Variants in HERC5 observed in about 807,000 individuals in gnomAD.
HERC5 encodes the protein HECT and RLD domain containing E3 ubiquitin protein ligase 5, also known as E3 ISG15--protein ligase HERC5.
A neutral mutation model predicts 119.6 loss-of-function variants in HERC5; 99 were observed. The observed-to-expected ratio is 0.83, with a 90% CI of 0.70 to 0.98. The LOEUF is 0.98. Among genes scored for constraint, HERC5 ranks in the 50% least tolerant of loss-of-function variants. The pLI is 0.00. For synonymous variants in HERC5, 478 were observed against 445.9 expected, an observed-to-expected ratio of 1.07 and a Z score of -0.91; for missense variants, 1,267 against 1,241.3, an observed-to-expected ratio of 1.02 and a Z score of -0.31.
In HERC5 at chr4:88,484,372, A is replaced by G. The variant is rs563561319; in HGVS notation, c.1738-1743A>G. 6.6e-5 allele frequency among the ~76,000 whole-genome samples: 10 copies of G among 152,214 alleles called. No homozygotes were observed. In the East Asian group the frequency reaches 1.9e-3, roughly 29 times the overall value. On this transcript the variant is annotated intron_variant, in intron 13 of 22. Coordinates refer to ENST00000264350, the MANE Select transcript of HERC5 (RefSeq NM_016323.4). ...GTGAGAGCTGTCTGTTTTCCTTGGA[A>G]CTTTATCTTTTGGAATTACTTGAGG...
intron 18 of HERC5, 40 bp from the exon 19 acceptor site, chr4:88,499,886 G>A (rs747616161): frequency 7.3e-7 from 1 of 1,375,582 alleles, no homozygotes; most frequent in South Asian, 1.2e-5. Flanking sequence ...TAGTGATCAT[G>A]GTTATTACCT....
intron 18 of HERC5, among the ~76,000 whole-genome samples, chr4:88,496,746 A>C (rs73841947): frequency 6.6e-6 from 1 of 152,244 alleles, no homozygotes; most frequent in Non-Finnish European, 1.5e-5. Context: ...GCAGTGTACC[A>C]ACAGTAAAGA....
intron 3 of HERC5, among the ~76,000 whole-genome samples, chr4:88,460,717 G>C (rs1382988624): frequency 2.0e-5 from 3 of 152,214 alleles, no homozygotes; most frequent in Non-Finnish European, 4.4e-5. Flanking sequence ...GGCCAGGCTT[G>C]GTGGCTAATG....
rs1249800005 is a variant in HERC5 at position 88,466,918 on chromosome 4, T to A, written c.912-141T>A. ...TTTCAGGTACATGTTGATTTCTTGG[T>A]TTCCAGATGATTTTCATCCTCTAAG... is the stretch of plus-strand genomic sequence containing the variant. On this transcript the variant is annotated intron_variant, in intron 6 of 22. Transcript: ENST00000264350. 2.4e-6 allele frequency: 2 copies of A among 833,450 alleles called. 1 individual carries two copies. Among genetic ancestry groups the A allele is most frequent in the Middle Eastern group, 6.2e-4 (2 of 3,204 alleles). 51.6% of individuals were successfully genotyped at this position (833,450 alleles called of 1,614,324 possible). A position where few individuals can be genotyped will look rare whatever the true frequency, so the allele number is the denominator to read the frequency against.
chr4:88,468,389 G>A lies in HERC5; in HGVS notation c.1101G>A (p.Gly367=). 6 of 1,611,732 alleles carry A rather than the reference G, an allele frequency of 3.7e-6. No individual in the cohort carries two copies. Among genetic ancestry groups the A allele is most frequent in the Non-Finnish European group, 5.1e-6 (6 of 1,178,612 alleles). ...SEKELIMIAG[G]NQSILLWIKK... is the part of the protein sequence containing the mutation. The stretch of plus-strand genomic sequence containing the variant: ...AGGAGTTAATAATGATTGCTGGAGG[G>A]AATCAAAGCATTTTGCTCTGGATAA... The change falls in exon 8 of 23, where the codon GGG becomes GGA. Residue 367 remains glycine (G), a synonymous_variant. Coordinates refer to ENST00000264350, the MANE Select transcript of HERC5 (RefSeq NM_016323.4).
At position 88,475,947 on chromosome 4, in the gene HERC5, A is replaced by G. The variant is rs768659089; in HGVS notation, c.1499A>G (p.His500Arg). Residue 500 changes from histidine to arginine, a missense_variant, in exon 12 of 23, where the codon CAT becomes CGT. Transcript: ENST00000264350. The part of the protein sequence containing the change: ...FFLLPECPMM[H>R]ISNNWESLVV... Reference sequence around the variant, plus strand: ...CTTCTCCCAGAATGTCCTATGATGCATATTTCCAACAACTGGGAGAGCCTT... The same window carrying G: ...CTTCTCCCAGAATGTCCTATGATGCGTATTTCCAACAACTGGGAGAGCCTT... 2.5e-6 allele frequency: 4 copies of G among 1,614,070 alleles called. No individual in the cohort carries two copies. Among genetic ancestry groups the G allele is most frequent in the Non-Finnish European group, 3.4e-6 (4 of 1,179,990 alleles).
Position 88,489,303 on chromosome 4 carries a change from A to G in HERC5, c.2100A>G (p.Gln700=), listed in dbSNP as rs1741560049. 6.2e-7 allele frequency: 1 copy of G among 1,613,584 alleles called. No individual in the cohort carries two copies. Among genetic ancestry groups the G allele is most frequent in the Admixed American group, 1.7e-5 (1 of 59,922 alleles). Residue 700 remains glutamine (Q), a synonymous_variant, in exon 16 of 23, where the codon CAA becomes CAG. Transcript: ENST00000264350. ...AGGATGTTTTGAATCAGCTAAGTCA[A>G]TTTGAGAATGAAGACCTGAGGAAAG... ...LIEDVLNQLS[Q]FENEDLRKEL...
chr4:88,466,430 C>T (rs181381681), intron 6 of HERC5, among the ~76,000 whole-genome samples: 9 of 152,242 alleles, frequency 5.9e-5, no homozygotes, highest in Admixed American at 2.0e-4. Context: ...AATCATTGCC[C>T]GGATAGTTAA....
intron 13 of HERC5, among the ~76,000 whole-genome samples, chr4:88,480,320 A>G (rs1741237240): frequency 6.6e-6 from 1 of 152,172 alleles, no homozygotes; most frequent in Non-Finnish European, 1.5e-5. Flanking sequence ...CATCCAGATT[A>G]ATGCTTATGG....
At chr4:88,481,852 A>G (rs944499923) in intron 13 of HERC5, among the ~76,000 whole-genome samples, 1 of 152,252 alleles carries the variant, frequency 6.6e-6, no homozygotes, top group African/African-American at 2.4e-5. Flanking sequence ...AGCCAAGGCC[A>G]GAGGAAGAGT....
Position 88,472,485 on chromosome 4 carries a change from G to T in HERC5, c.1375G>T (p.Asp459Tyr), listed in dbSNP as rs377595074. 38 of 1,580,984 alleles carry T rather than the reference G, an allele frequency of 2.4e-5. No individual in the cohort carries two copies. The African/African-American group carries it at 4.6e-4, about 19-fold the overall frequency. ...CATCTTCAAGGAGTTAACCCAAAAG[G>T]ACTGGATTACTAACATGGTATCTTC... ...RNIFKELTQK[D>Y]WITNMITTCL... Residue 459 changes from aspartate to tyrosine, a missense_variant, in exon 11 of 23, where the codon GAC (aspartate) becomes TAC (tyrosine). Asp to Tyr is a radical substitution (Grantham distance 160, BLOSUM62 -3). Around this residue, in one of 3 missense-constraint regions of HERC5, gnomAD observed 777 missense variants for 758.0 expected, o/e 1.03. Coordinates refer to ENST00000264350, the MANE Select transcript of HERC5 (RefSeq NM_016323.4).
At chr4:88,500,862 A>T in intron 19 of HERC5, 53 bp from the exon 20 acceptor site, 3 of 1,277,970 alleles carry the variant, frequency 2.3e-6, no homozygotes, top group Non-Finnish European at 3.4e-6. Flanking sequence ...TATTGATGAT[A>T]GATTGTTCAG....
intron 1 of HERC5, among the ~76,000 whole-genome samples, chr4:88,459,052 G>A (rs1270437758): frequency 2.0e-5 from 3 of 151,794 alleles, no homozygotes; most frequent in Non-Finnish European, 4.4e-5. Context: ...AATTTCGTTC[G>A]TCTTAATAAA....
chr4:88,465,555 A>G (rs1740631831), intron 6 of HERC5, among the ~76,000 whole-genome samples: 1 of 152,220 alleles, frequency 6.6e-6, no homozygotes, highest in African/African-American at 2.4e-5. Context: ...TTCAATATTT[A>G]TACCTCATTC....
At chr4:88,460,711 A>G (rs1740400917) in intron 3 of HERC5, among the ~76,000 whole-genome samples, 1 of 152,214 alleles carries the variant, frequency 6.6e-6, no homozygotes, top group South Asian at 2.1e-4. Context: ...CTATGAGGCC[A>G]GGCTTGGTGG....
At chr4:88,457,775 C>G (rs910447576) in intron 1 of HERC5, 2 of 654,336 alleles carry the variant, frequency 3.1e-6, no homozygotes, top group African/African-American at 3.8e-5. Context: ...GCAAAGTGGC[C>G]GGTGCGGGGC....
Position 88,489,167 on chromosome 4 carries a change from G to C in HERC5, c.1964G>C (p.Ser655Thr), listed in dbSNP as rs1374654136. 6.2e-7 allele frequency: 1 copy of C among 1,600,680 alleles called. No homozygotes were observed. The highest frequency in any genetic ancestry group is 1.3e-5 in the African/African-American group (1 of 74,118). Residue 655 changes from serine to threonine, a missense_variant and splice_region_variant, in exon 16 of 23, where the codon AGT (serine) becomes ACT (threonine). Transcript: ENST00000264350. Reference protein sequence around the residue: ...LHTDTLLKIESKKHKAYLRSA... With the variant: ...LHTDTLLKIETKKHKAYLRSA... ...ATATTTCTGTTTCTGTTTTCCTAGA[G>C]TAAAAAACATAAAGCTTATCTTAGG...
rs1219443063 is a variant in HERC5, at chr4:88,490,818, C to T, written c.2133+1482C>T. Among the ~76,000 whole-genome samples, 5 of 152,234 alleles carry T rather than the reference C, an allele frequency of 3.3e-5. No individual in the cohort carries two copies. In the East Asian group the frequency reaches 9.7e-4, roughly 29 times the overall value. On this transcript the variant is annotated intron_variant, in intron 16 of 22. Transcript: ENST00000264350. ...CAAGATTACCCCACTGCACTCTAGC[C>T]TGGGCGACAGAGCAAGATTCTGTCT...
intron 4 of HERC5, 73 bp downstream of exon 4, chr4:88,462,429 CA>C: frequency 8.0e-7 from 1 of 1,255,966 alleles, no homozygotes; most frequent in African/African-American, 1.5e-5. Flanking sequence ...ACCTCCCTGT[CA>C]AAAATGGTTC....
Sources: gnomAD v4.1 joint callset for allele counts (sites outside exome capture counted in the v4.1 genomes callset) on GRCh38, gnomAD v4.1.1 for gene constraint, gnomAD v4.1.1 regional missense constraint, MANE v1.5 for transcripts, NCBI Gene and HGNC (gene_info 2026-07-23, HGNC 2026-07-21) for gene names.